Variants in NRXN3 observed in about 807,000 individuals in gnomAD.
NRXN3 encodes neurexin III.
Under a neutral mutation model 137.6 loss-of-function variants are expected in NRXN3, and 32 were observed. The ratio of observed to expected loss-of-function variants is 0.23; its 90% confidence interval spans 0.18 to 0.31. The LOEUF is 0.31. Ranked by LOEUF, NRXN3 falls within the 10% of genes least tolerant of loss-of-function variation. The pLI is 1.00. For missense variants in NRXN3, 1,574 were observed against 2,062.5 expected, an observed-to-expected ratio of 0.76 and a Z score of 4.59; for synonymous variants, 798 against 784.5, an observed-to-expected ratio of 1.02 and a Z score of -0.29.
chr14:78,208,356 A>G (rs1482906104), intron 1 of NRXN3, among the ~76,000 whole-genome samples: 1 of 152,204 alleles, frequency 6.6e-6, no homozygotes, highest in Non-Finnish European at 1.5e-5. Flanking sequence ...CTGTGCCTGC[A>G]ATAAAACTCA....
chr14:78,954,782 T>G (rs901342650), intron 10 of NRXN3, among the ~76,000 whole-genome samples: 10 of 151,226 alleles, frequency 6.6e-5, no homozygotes, highest in African/African-American at 1.7e-4. Context: ...TTTTTTTTTT[T>G]TTTTTTTTAC....
rs550211814 is a variant in NRXN3 at position 79,813,953 on chromosome 14, C to A, written c.4093+8763C>A. Among the ~76,000 whole-genome samples, 17 of 152,268 alleles carry A rather than the reference C, an allele frequency of 1.1e-4. No homozygotes were observed. In the East Asian group the frequency reaches 2.5e-3, roughly 22 times the overall value. ...AGAATATTTGTTGTATCTTTTATTT[C>A]TGTCTGGACAAGCCCAGGATCATTG... On this transcript the variant is annotated intron_variant, in intron 20 of 20. Transcript: ENST00000335750.
At chr14:78,867,077 G>A (rs79824853) in intron 10 of NRXN3, among the ~76,000 whole-genome samples, 13 of 152,196 alleles carry the variant, frequency 8.5e-5, no homozygotes, top group Admixed American at 2.0e-4. Context: ...GATTACAGGC[G>A]TGGGCCACCG....
chr14:79,696,904 A>G (rs187004767), intron 18 of NRXN3, among the ~76,000 whole-genome samples: 65 of 152,078 alleles, frequency 4.3e-4, no homozygotes, highest in African/African-American at 1.5e-3. Flanking sequence ...ATATGCTTAT[A>G]TTTCATACTG....
At chr14:79,356,152 C>T (rs1250917590) in intron 15 of NRXN3, among the ~76,000 whole-genome samples, 2 of 152,020 alleles carry the variant, frequency 1.3e-5, no homozygotes, top group East Asian at 3.9e-4. Flanking sequence ...GAAATCTATT[C>T]TTTTTGTTAA....
At chr14:79,660,264 C>G (rs2153983610) in intron 16 of NRXN3, among the ~76,000 whole-genome samples, 1 of 152,266 alleles carries the variant, frequency 6.6e-6, no homozygotes, top group South Asian at 2.1e-4. Flanking sequence ...TGAAACAAAG[C>G]AGTTAGCCAT....
At chr14:78,904,417 C>T (rs1221729189) in intron 10 of NRXN3, among the ~76,000 whole-genome samples, 2 of 151,994 alleles carry the variant, frequency 1.3e-5, no homozygotes, top group Admixed American at 1.3e-4. Context: ...GATAATAAGC[C>T]AGGTAGAATT....
chr14:78,228,060 A>C (rs2064907911), intron 1 of NRXN3, among the ~76,000 whole-genome samples: 1 of 151,924 alleles, frequency 6.6e-6, no homozygotes, highest in African/African-American at 2.4e-5. Context: ...TGCCAAGGGT[A>C]TGGAGATGGG....
intron 16 of NRXN3, among the ~76,000 whole-genome samples, chr14:79,542,976 A>T (rs893564961): frequency 1.3e-5 from 2 of 152,136 alleles, no homozygotes; most frequent in African/African-American, 4.8e-5. Context: ...CTATAGTCCC[A>T]AGGAGAAAAG....
intron 10 of NRXN3, among the ~76,000 whole-genome samples, chr14:78,869,938 A>G (rs2099097220): frequency 6.6e-6 from 1 of 152,202 alleles, no homozygotes; most frequent in South Asian, 2.1e-4. Flanking sequence ...TAACCAAGGA[A>G]CAGAGTAGAG....
chr14:78,639,931 G>A (rs989915733), intron 4 of NRXN3, among the ~76,000 whole-genome samples: 2 of 152,042 alleles, frequency 1.3e-5, no homozygotes, highest in Non-Finnish European at 1.5e-5. Context: ...TCCATGACAC[G>A]TCCAGATGCA....
At chr14:78,985,538 G>A (rs2099501162) in intron 14 of NRXN3, among the ~76,000 whole-genome samples, 1 of 152,200 alleles carries the variant, frequency 6.6e-6, no homozygotes, top group Non-Finnish European at 1.5e-5. Flanking sequence ...CTGGTCCTTA[G>A]AAAAATGGTT....
At chr14:78,183,722 C>A (rs1595683989) in intron 1 of NRXN3, among the ~76,000 whole-genome samples, 1 of 152,148 alleles carries the variant, frequency 6.6e-6, no homozygotes, top group Admixed American at 6.5e-5. Flanking sequence ...AGGGGAGAAG[C>A]TAGAAGTGGG....
intron 4 of NRXN3, among the ~76,000 whole-genome samples, chr14:78,561,671 C>T (rs1356428841): frequency 1.3e-5 from 2 of 152,178 alleles, no homozygotes; most frequent in Admixed American, 6.5e-5. Context: ...TACTCTACCT[C>T]GAACACTCTT....
At chr14:79,143,197 G>A (rs1531622) in intron 15 of NRXN3, among the ~76,000 whole-genome samples, 149,754 of 152,296 alleles carry the variant, frequency 0.98, 73,676 homozygotes, top group Middle Eastern at 1. Context: ...TTCCCAACAG[G>A]GTAGAACTCA....
intron 15 of NRXN3, among the ~76,000 whole-genome samples, chr14:79,096,820 T>C (rs1351074153): frequency 2.6e-5 from 4 of 152,124 alleles, no homozygotes; most frequent in Non-Finnish European, 5.9e-5. Context: ...CTTTCATACC[T>C]GTCAGTTCTA....
intron 19 of NRXN3, among the ~76,000 whole-genome samples, chr14:79,747,888 A>T (rs1352583174): frequency 1.3e-5 from 2 of 152,102 alleles, no homozygotes; most frequent in Admixed American, 1.3e-4. Flanking sequence ...ACTCTGTCTT[A>T]GTTTCATCTA....
chr14:79,166,762 C>T (rs958467367), intron 15 of NRXN3, among the ~76,000 whole-genome samples: 1 of 151,704 alleles, frequency 6.6e-6, no homozygotes, highest in Non-Finnish European at 1.5e-5. Context: ...GCCTTTGTTA[C>T]TTAGTAAAGT....
At chr14:79,031,244 C>G (rs2099607789) in intron 15 of NRXN3, among the ~76,000 whole-genome samples, 1 of 152,036 alleles carries the variant, frequency 6.6e-6, no homozygotes, top group Non-Finnish European at 1.5e-5. Context: ...TTTTATAAAA[C>G]TTAGAATATT....
Sources: allele counts gnomAD v4.1 joint callset (sites outside exome capture counted in the v4.1 genomes callset), GRCh38; gene constraint gnomAD v4.1.1; transcripts MANE v1.5; gene names NCBI Gene and HGNC (gene_info 2026-07-23, HGNC 2026-07-21).